CELSR2: variants seen among roughly 807,000 people sequenced by gnomAD.
CELSR2 encodes the protein cadherin EGF LAG seven-pass G-type receptor 2, also known as EGF-like protein 2.
CELSR2 carries 81 observed loss-of-function variants against 251.6 expected under a neutral mutation model. That is an observed-to-expected ratio of 0.32 (90% CI 0.27 to 0.39). CELSR2 has a LOEUF of 0.39. Ranked by LOEUF, CELSR2 falls within the 10% of genes least tolerant of loss-of-function variation. The pLI, the probability that CELSR2 is intolerant of heterozygous loss-of-function variation, is 1.00. For synonymous variants in CELSR2, 1,721 were observed against 1,670.5 expected (o/e 1.03, Z -0.74); for missense variants, 3,365 against 3,947.7 (o/e 0.85, Z 3.96).
At position 109,252,353 on chromosome 1, in the gene CELSR2, C is replaced by G; in HGVS notation, c.2274C>G (p.Phe758Leu). 8.7e-6 allele frequency: 14 copies of G among 1,613,068 alleles called. No individual in the cohort carries two copies. The highest frequency in any genetic ancestry group is 1.1e-5 in the Non-Finnish European group (13 of 1,180,002). ...TYFMEDSIPQFRIDADTGAVT... is the reference protein window; with the variant it reads ...TYFMEDSIPQLRIDADTGAVT... ...TCATGGAGGACAGCATCCCCCAGTT[C>G]CGCATCGATGCAGACACGGGGGCTG... The change falls in exon 1 of 34, where the codon TTC becomes TTG. Residue 758 changes from phenylalanine to leucine, a missense_variant. Around this residue, in one of 5 missense-constraint regions of CELSR2, gnomAD observed 505 missense variants for 660.0 expected, o/e 0.77. Transcript: ENST00000271332. The surrounding 1 kb of genome is among the most constrained non-coding windows in gnomAD (Gnocchi z 4.8).
At position 109,272,864 on chromosome 1, in the gene CELSR2, C is replaced by T; in HGVS notation, c.8175C>T (p.Ser2725=). The T allele has an allele frequency of 6.2e-7, 1 of 1,613,920 alleles. No individual in the cohort carries two copies. The change falls in exon 31 of 34, where the codon TCC becomes TCT. Residue 2725 remains serine (S), a synonymous_variant. Coordinates refer to ENST00000271332, the MANE Select transcript of CELSR2 (RefSeq NM_001408.3). ...DPDTDSDSDL[S]LEDDQSGSYA... ...ACACGGACTCCGACAGTGACCTGTC[C>T]TTAGAAGACGACCAGAGTGGCTCCT...
At chr1:109,266,559 A>ATTTTTTTTTTTTTTTTTTTTTTTTTTTTT in intron 15 of CELSR2, 1 of 83,690 alleles carries the variant, frequency 1.2e-5, no homozygotes, top group Non-Finnish European at 2.1e-5. Flanking sequence ...CACCTGGCTA[A>ATTTTTTTTTTTTTTTTTTTTTTTTTTTTT]TTTTTTTTTT....
At position 109,268,854 on chromosome 1, in the gene CELSR2, C is replaced by G. The variant is rs370689353; in HGVS notation, c.6503-26C>G. On this transcript the variant is annotated intron_variant, in intron 18 of 33. Coordinates refer to ENST00000271332, the MANE Select transcript of CELSR2 (RefSeq NM_001408.3). ...TGGGGTCCTGCCTGCCTCACAGGTC[C>G]GATCTGTGACCATCCCCTTCCTTAG... The G allele has an allele frequency of 3.6e-5, 58 of 1,590,534 alleles. 1 individual carries two copies. The highest frequency in any genetic ancestry group is 3.4e-5 in the Admixed American group (2 of 59,226).
chr1:109,264,528 G>A lies in CELSR2; in HGVS notation c.5364G>A (p.Glu1788=), dbSNP rs767874482. The stretch of plus-strand genomic sequence containing the variant: ...GCCATGGGGAGAGCATCAACGTGGA[G>A]CAAGGCTGTAGCCTGCCTGACCCTT... The part of the protein sequence containing the change: ...DPSHGESINV[E]QGCSLPDPCD... Residue 1788 remains glutamate (E), a synonymous_variant, in exon 11 of 34, where the codon GAG becomes GAA. Coordinates refer to ENST00000271332, the MANE Select transcript of CELSR2 (RefSeq NM_001408.3). 4 of 1,614,200 alleles carry A rather than the reference G, an allele frequency of 2.5e-6. No homozygotes were observed. In the East Asian group the frequency reaches 6.7e-5, roughly 27 times the overall value.
intron 33 of CELSR2, 113 bp from the exon 34 acceptor site, chr1:109,273,909 G>A: frequency 1.4e-6 from 2 of 1,408,170 alleles, no homozygotes; most frequent in Non-Finnish European, 2.0e-6. Context: ...GGAGGATGGG[G>A]AGCTGGGGGT....
At chr1:109,253,439 G>A (rs374913252) in intron 1 of CELSR2, 50 bp downstream of exon 1, 12 of 1,561,508 alleles carry the variant, frequency 7.7e-6, no homozygotes, top group Admixed American at 7.3e-5. Context: ...CGCGGGGATG[G>A]TCTGGGCAGC....
In CELSR2 at chr1:109,263,821, C is replaced by G. The variant is rs764244244; in HGVS notation, c.5001+44C>G. On this transcript the variant is annotated intron_variant, in intron 9 of 33. Transcript: ENST00000271332. ...GCTGGCCCTGGCCTGGCCATAGGGC[C>G]CTGGTAGCCTCTAGGCGGCTGGACA... 2.0e-5 allele frequency: 32 copies of G among 1,592,566 alleles called. No individual in the cohort carries two copies. In the South Asian group the frequency reaches 3.3e-4, roughly 16 times the overall value.
chr1:109,252,488 C>A lies in CELSR2; in HGVS notation c.2409C>A (p.Ile803=). Residue 803 remains isoleucine (I), a synonymous_variant, in exon 1 of 34, where the codon ATC becomes ATA. Coordinates refer to ENST00000271332, the MANE Select transcript of CELSR2 (RefSeq NM_001408.3). This position sits in a 1 kb window ranked among gnomAD's most constrained non-coding sequence, Gnocchi z 4.8. ...AGTCCGACACCACCTACCTGGAGAT[C>A]CTGGTGAACGACGTGAATGACAATG... ...PQKSDTTYLE[I]LVNDVNDNAP... 6.2e-7 allele frequency: 1 copy of A among 1,613,876 alleles called. No individual in the cohort carries two copies.
At position 109,250,243 on chromosome 1, in the gene CELSR2, G is replaced by T. The variant is rs750098094; in HGVS notation, c.164G>T (p.Gly55Val). The T allele has an allele frequency of 9.9e-6, 16 of 1,610,474 alleles. No individual in the cohort carries two copies. The highest frequency in any genetic ancestry group is 1.4e-5 in the Non-Finnish European group (16 of 1,178,586). ...TCTTCGGGGGCCTGCGCCCCCATGGGCTGGCTCTGTCCATCCTCAGCGTCG... is the reference window on the plus strand; with the variant it reads ...TCTTCGGGGGCCTGCGCCCCCATGGTCTGGCTCTGTCCATCCTCAGCGTCG... ...RGSSGACAPMGWLCPSSASNL... is the reference protein window; with the variant it reads ...RGSSGACAPMVWLCPSSASNL... Residue 55 changes from glycine to valine, a missense_variant, in exon 1 of 34, where the codon GGC becomes GTC. Gly to Val is a moderately radical substitution (Grantham distance 109, BLOSUM62 -3). This residue lies in a region of CELSR2 where 704 missense variants were observed against 784.1 expected (regional missense o/e 0.90). Coordinates refer to ENST00000271332, the MANE Select transcript of CELSR2 (RefSeq NM_001408.3). The surrounding 1 kb of genome is among the most constrained non-coding windows in gnomAD (Gnocchi z 4.4).
chr1:109,272,769 C>T (rs1656408352), intron 30 of CELSR2, 41 bp downstream of exon 30: 1 of 1,612,796 alleles, frequency 6.2e-7, no homozygotes. Flanking sequence ...GGGCAGTTGG[C>T]TGGCTTTTAC....
chr1:109,272,946 G>T lies in CELSR2; in HGVS notation c.8257G>T (p.Ala2753Ser). Reference sequence around the variant, plus strand: ...GGAAGAAGAGGAGGAGGAAGAGGAGGCCGCCTTCCCTGGAGAGCAGGGCTG... The same window carrying T: ...GGAAGAAGAGGAGGAGGAAGAGGAGTCCGCCTTCCCTGGAGAGCAGGGCTG... ...EEEEEEEEEE[A>S]AFPGEQGWDS... The change falls in exon 31 of 34, where the codon GCC becomes TCC. Residue 2753 changes from alanine to serine, a missense_variant. By Grantham distance (99) the Ala-to-Ser change is moderately conservative. This residue lies in a region of CELSR2 where 2,093 missense variants were observed against 2,382.8 expected (regional missense o/e 0.88). Transcript: ENST00000271332. The T allele has an allele frequency of 6.2e-7, 1 of 1,614,052 alleles. No individual in the cohort carries two copies. Among genetic ancestry groups the T allele is most frequent in the Middle Eastern group, 1.7e-4 (1 of 6,060 alleles).
At chr1:109,266,234 T>C (rs767960363) in intron 15 of CELSR2, 28 bp downstream of exon 15, 15 of 1,612,492 alleles carry the variant, frequency 9.3e-6, no homozygotes, top group Non-Finnish European at 5.9e-6. Context: ...CGATGTGATG[T>C]CGAGGACATG....
Position 109,273,361 on chromosome 1 carries a change from G to T in CELSR2, c.8509+25G>T, listed in dbSNP as rs201996023. On this transcript the variant is annotated intron_variant, in intron 32 of 33. Coordinates refer to ENST00000271332, the MANE Select transcript of CELSR2 (RefSeq NM_001408.3). ...GGTGAGTGGGGCACCCCCAGCTGCC[G>T]AGCTCCCCTAGTCAGCAGCCTCATA... The T allele has an allele frequency of 2.4e-5, 39 of 1,604,034 alleles. No homozygotes were observed. In the African/African-American group the frequency reaches 5.2e-4, roughly 21 times the overall value.
rs1656433069 is a variant in CELSR2 at position 109,273,448 on chromosome 1, A to G, written c.8522A>G (p.Lys2841Arg). 3 of 1,611,988 alleles carry G rather than the reference A, an allele frequency of 1.9e-6. No individual in the cohort carries two copies. The highest frequency in any genetic ancestry group is 2.7e-5 in the African/African-American group (2 of 74,788). Residue 2841 changes from lysine to arginine, a missense_variant, in exon 33 of 34, where the codon AAG (lysine) becomes AGG (arginine). Transcript: ENST00000271332. The stretch of plus-strand genomic sequence containing the variant: ...CCCCGGCCCACAGGCATCCTTAAGA[A>G]GAAGTGTCTGCCCACCATCAGCGAG... ...SAQPHKGILKKKCLPTISEKS... is the reference protein window; with the variant it reads ...SAQPHKGILKRKCLPTISEKS...
chr1:109,267,245 G>A (rs1656224803), intron 15 of CELSR2, among the ~76,000 whole-genome samples: 1 of 152,074 alleles, frequency 6.6e-6, no homozygotes, highest in African/African-American at 2.4e-5. Flanking sequence ...TCCTGGACTG[G>A]CAATGAGCAG....
chr1:109,268,750 T>C lies in CELSR2; in HGVS notation c.6488T>C (p.Val2163Ala). The stretch of plus-strand genomic sequence containing the variant: ...ACCTACCTAAGCCCCTTCACCATCG[T>C]CACGCCCAACATTGGTAAGGCTGGT... ...RHTYLSPFTI[V>A]TPNIVISVVR... The change falls in exon 18 of 34, where the codon GTC becomes GCC. Residue 2163 changes from valine (V) to alanine (A), a missense_variant. By Grantham distance (64) the Val-to-Ala change is moderately conservative. Around this residue, in one of 5 missense-constraint regions of CELSR2, gnomAD observed 2,093 missense variants for 2,382.8 expected, o/e 0.88. Transcript: ENST00000271332. 6.2e-7 allele frequency: 1 copy of C among 1,601,638 alleles called. No homozygotes were observed. The highest frequency in any genetic ancestry group is 2.2e-5 in the East Asian group (1 of 44,540).
chr1:109,260,184 A>T (rs991279762), intron 2 of CELSR2, among the ~76,000 whole-genome samples: 1 of 47,368 alleles, frequency 2.1e-5, no homozygotes, highest in African/African-American at 8.3e-5. Flanking sequence ...GGGGGTTGGG[A>T]GGGGGGGGGT....
rs6698843 is a variant in CELSR2, at chr1:109,264,212, C to T, written c.5136C>T (p.Pro1712=). The T allele has an allele frequency of 0.44, 712,521 of 1,613,140 alleles. 162,346 individuals carry two copies. The highest frequency in any genetic ancestry group is 0.5 in the Middle Eastern group (3,026 of 6,060). ...AQLALGASGG[P]GHAILSFDYG... ...TGGCACTGGGAGCCAGCGGGGGGCC[C>T]GGCCATGCCATTCTGTCCTTCGATT... The change falls in exon 10 of 34, where the codon CCC becomes CCT. Residue 1712 remains proline, a synonymous_variant. Coordinates refer to ENST00000271332, the MANE Select transcript of CELSR2 (RefSeq NM_001408.3).
intron 28 of CELSR2, 150 bp downstream of exon 28, chr1:109,271,872 G>C: frequency 9.4e-7 from 1 of 1,059,424 alleles, no homozygotes; most frequent in Non-Finnish European, 1.4e-6. Context: ...GTTCGGCCTG[G>C]GGAGGAGATG....
Sources: allele counts gnomAD v4.1 joint callset (sites outside exome capture counted in the v4.1 genomes callset), GRCh38; gene constraint gnomAD v4.1.1; regional missense constraint gnomAD v4.1.1; non-coding constraint Gnocchi (gnomAD v3.1); transcripts MANE v1.5; gene names NCBI Gene and HGNC (gene_info 2026-07-23, HGNC 2026-07-21).